The following BAG4 variants were observed in gnomAD, a reference collection of about 807,000 sequenced individuals.
BAG4 encodes BAG family molecular chaperone regulator 4.
In BAG4, 28 loss-of-function variants were observed where a neutral mutation model predicts 52.1. The observed-to-expected ratio is 0.54, with a 90% confidence interval of 0.40 to 0.74. The LOEUF (loss-of-function observed/expected upper bound fraction) is 0.74, where lower values mean the gene tolerates loss of function less well. Among genes scored for constraint, BAG4 ranks in the 30% least tolerant of loss-of-function variants. The pLI is 0.00. For missense variants in BAG4, 525 were observed against 572.0 expected (o/e 0.92, Z 0.84); for synonymous variants, 208 against 217.0 (o/e 0.96, Z 0.37).
At chr8:38,201,854 A>T (rs1585663641) in intron 2 of BAG4, 10 of 7,888 alleles carry the variant, frequency 1.3e-3, no homozygotes, top group Non-Finnish European at 2.3e-3. Flanking sequence ...ATATATATAT[A>T]TATATATATA....
At chr8:38,180,574 CA>C (rs1211018466) in intron 1 of BAG4, among the ~76,000 whole-genome samples, 1 of 143,226 alleles carries the variant, frequency 7.0e-6, no homozygotes, top group Non-Finnish European at 1.5e-5. Flanking sequence ...ACAGATGTTG[CA>C]ATGTTTTTTC....
chr8:38,196,202 G>A lies in BAG4; in HGVS notation c.378+3407G>A, dbSNP rs113974756. On this transcript the variant is annotated intron_variant, in intron 2 of 4. Transcript: ENST00000287322. ...TTTATTTATCTTGGGTCTATACCTA[G>A]AAATGGAATTGCTTGGTCATAGAGT... Among the ~76,000 whole-genome samples the A allele has an allele frequency of 7.8e-3, 1,186 of 152,206 alleles. 21 individuals are homozygous for A. Among genetic ancestry groups the A allele is most frequent in the African/African-American group, 0.027 (1,139 of 41,512 alleles).
Position 38,212,954 on chromosome 8 carries a change from G to C in BAG4, c.*2461G>C, listed in dbSNP as rs1353080019. Reference sequence around the variant, plus strand: ...TATTGGAATTCTTCTGTAAGGAAGAGTTGTCAGTTCTGGATTTATATTTTT... The same window carrying C: ...TATTGGAATTCTTCTGTAAGGAAGACTTGTCAGTTCTGGATTTATATTTTT... On this transcript the variant is annotated 3_prime_UTR_variant, in exon 5 of 5. Transcript: ENST00000287322. The C allele has an allele frequency of 1.3e-5, 2 of 152,176 alleles. No homozygotes were observed. The highest frequency in any genetic ancestry group is 4.8e-5 in the African/African-American group (2 of 41,428). 9.4% of individuals were successfully genotyped at this position (152,176 alleles called of 1,614,324 possible). A position where few individuals can be genotyped will look rare whatever the true frequency, so the allele number is the denominator to read the frequency against.
At chr8:38,199,614 C>T (rs1436500814) in intron 2 of BAG4, among the ~76,000 whole-genome samples, 1 of 151,484 alleles carries the variant, frequency 6.6e-6, no homozygotes, top group Non-Finnish European at 1.5e-5. Context: ...AGCTCCACAT[C>T]CCAGGTTAAA....
At position 38,207,774 on chromosome 8, in the gene BAG4, G is replaced by A; in HGVS notation, c.633+8G>A. The A allele has an allele frequency of 6.2e-7, 1 of 1,612,862 alleles. No individual in the cohort carries two copies. Among genetic ancestry groups the A allele is most frequent in the Non-Finnish European group, 8.5e-7 (1 of 1,179,462 alleles). On this transcript the variant is annotated splice_region_variant and intron_variant, in intron 3 of 4. Transcript: ENST00000287322. Reference sequence around the variant, plus strand: ...GGATATCCGCCTTCACAGGTGAGTTGTTTTCTATTGGGAAAAAAATGAATT... The same window carrying A: ...GGATATCCGCCTTCACAGGTGAGTTATTTTCTATTGGGAAAAAAATGAATT...
chr8:38,194,867 T>TTTTTTTTG (rs1803538415), intron 2 of BAG4, among the ~76,000 whole-genome samples: 1 of 142,586 alleles, frequency 7.0e-6, no homozygotes, highest in Non-Finnish European at 1.5e-5. Flanking sequence ...TTTTTTGTTT[T>TTTTTTTTG]TTTTTTTGGC....
At chr8:38,183,909 A>G (rs1394750789) in intron 1 of BAG4, among the ~76,000 whole-genome samples, 1 of 152,212 alleles carries the variant, frequency 6.6e-6, no homozygotes, top group Admixed American at 6.5e-5. Context: ...AAGACACATA[A>G]TCAGCCATTC....
At chr8:38,188,960 A>AT (rs200005875) in intron 1 of BAG4, among the ~76,000 whole-genome samples, 2,837 of 132,686 alleles carry the variant, frequency 0.021, 153 homozygotes, top group East Asian at 0.21. Context: ...TGCCCGGCTA[A>AT]TTTTTTTTTT....
chr8:38,208,793 T>A (rs1803818348), intron 3 of BAG4, among the ~76,000 whole-genome samples: 1 of 152,170 alleles, frequency 6.6e-6, no homozygotes, highest in African/African-American at 2.4e-5. Flanking sequence ...CTTCTGAGTT[T>A]TATTGTCATT....
In BAG4 at chr8:38,176,908, C is replaced by G; in HGVS notation, c.39C>G (p.Asp13Glu). Residue 13 changes from aspartate (D) to glutamate (E), a missense_variant, in exon 1 of 5, where the codon GAC becomes GAG. Asp to Glu is a conservative substitution (Grantham distance 45, BLOSUM62 2). Coordinates refer to ENST00000287322, the MANE Select transcript of BAG4 (RefSeq NM_004874.4). Reference protein sequence around the residue: ...ALRRSGYGPSDGPSYGRYYGP... With the variant: ...ALRRSGYGPSEGPSYGRYYGP... ...GGCGCTCGGGCTACGGCCCCAGTGA[C>G]GGTCCGTCCTACGGCCGCTACTACG... The G allele has an allele frequency of 1.3e-6, 2 of 1,547,980 alleles. No homozygotes were observed. The highest frequency in any genetic ancestry group is 1.7e-6 in the Non-Finnish European group (2 of 1,146,242).
At position 38,184,870 on chromosome 8, in the gene BAG4, C is replaced by G. The variant is rs546131603; in HGVS notation, c.270+7731C>G. Among the ~76,000 whole-genome samples, 7 of 152,244 alleles carry G rather than the reference C, an allele frequency of 4.6e-5. No homozygotes were observed. The East Asian group carries it at 1.3e-3, about 29-fold the overall frequency. On this transcript the variant is annotated intron_variant, in intron 1 of 4. Coordinates refer to ENST00000287322, the MANE Select transcript of BAG4 (RefSeq NM_004874.4). ...CTTTGGGAGGCTGAGGTGGGCAGAT[C>G]ACGAGGTCAGGAGATCGAGACCATC...
intron 2 of BAG4, among the ~76,000 whole-genome samples, chr8:38,203,630 C>T (rs1389127275): frequency 6.6e-6 from 1 of 151,872 alleles, no homozygotes; most frequent in East Asian, 1.9e-4. Flanking sequence ...GTAGGACAAG[C>T]AAGATGAGTA....
At chr8:38,179,324 A>G (rs1047298343) in intron 1 of BAG4, among the ~76,000 whole-genome samples, 2 of 151,528 alleles carry the variant, frequency 1.3e-5, no homozygotes, top group Non-Finnish European at 2.9e-5. Flanking sequence ...GCCCAACTAA[A>G]TTTTGTATTT....
In BAG4 at chr8:38,202,574, T is replaced by TC. The variant is rs956196417; in HGVS notation, c.379-4937dup. On this transcript the variant is annotated intron_variant, in intron 2 of 4. Transcript: ENST00000287322. ...GCTCGGCCCCCTTTTTTTTTTTTTT[T>TC]CTGTTTCTCAGGCTGGAGTGCAATG... 6.6e-5 allele frequency among the ~76,000 whole-genome samples: 10 copies of TC among 151,222 alleles called. No individual in the cohort carries two copies. The South Asian group carries it at 1.3e-3, about 19-fold the overall frequency.
Position 38,212,650 on chromosome 8 carries a change from C to T in BAG4, c.*2157C>T, listed in dbSNP as rs1479812443. On this transcript the variant is annotated 3_prime_UTR_variant, in exon 5 of 5. Transcript: ENST00000287322. ...TGTCTTCCAGTCTGTGACAGTGTATCATAACAGGGGATACCTGATGTTGTA... is the reference window on the plus strand; with the variant it reads ...TGTCTTCCAGTCTGTGACAGTGTATTATAACAGGGGATACCTGATGTTGTA... The T allele has an allele frequency of 6.6e-6, 1 of 152,196 alleles. No homozygotes were observed. 9.4% of individuals were successfully genotyped at this position (152,196 alleles called of 1,614,324 possible).
At chr8:38,188,989 C>T (rs1486034680) in intron 1 of BAG4, among the ~76,000 whole-genome samples, 1 of 146,372 alleles carries the variant, frequency 6.8e-6, no homozygotes, top group Admixed American at 6.9e-5. Flanking sequence ...GATGGAGTCT[C>T]ACCCTGTTGC....
intron 2 of BAG4, among the ~76,000 whole-genome samples, chr8:38,201,389 GTAA>G (rs1803660443): frequency 6.6e-6 from 1 of 152,094 alleles, no homozygotes; most frequent in Non-Finnish European, 1.5e-5. Flanking sequence ...ATAGATCACT[GTAA>G]CCTTGAACTC....
chr8:38,208,341 G>A (rs1241229151), intron 3 of BAG4, among the ~76,000 whole-genome samples: 6 of 125,870 alleles, frequency 4.8e-5, no homozygotes, highest in African/African-American at 1.8e-4. Flanking sequence ...ACGGAGTCTC[G>A]CTCTGTCGCC....
chr8:38,186,239 C>G (rs908710325), intron 1 of BAG4, among the ~76,000 whole-genome samples: 1 of 152,098 alleles, frequency 6.6e-6, no homozygotes, highest in East Asian at 1.9e-4. Context: ...GGGCTCTGAT[C>G]TCCTTTACCC....
Sources: gnomAD v4.1 joint callset for allele counts (sites outside exome capture counted in the v4.1 genomes callset) on GRCh38, gnomAD v4.1.1 for gene constraint, MANE v1.5 for transcripts, NCBI Gene and HGNC (gene_info 2026-07-23, HGNC 2026-07-21) for gene names.